The following PATJ variants were observed in gnomAD, a reference collection of about 807,000 sequenced individuals.
PATJ encodes the protein inaD-like protein.
Under a neutral mutation model 224.9 loss-of-function variants are expected in PATJ, and 190 were observed. The observed-to-expected ratio is 0.84, with a 90% confidence interval of 0.75 to 0.95. PATJ has a LOEUF of 0.95. Among genes scored for constraint, PATJ ranks in the 40% least tolerant of loss-of-function variants. The pLI, the probability that PATJ is intolerant of heterozygous loss-of-function variation, is 0.00. For missense variants in PATJ, 2,121 were observed against 2,270.3 expected (o/e 0.93, Z 1.34); for synonymous variants, 769 against 820.3 (o/e 0.94, Z 1.07).
intron 17 of PATJ, among the ~76,000 whole-genome samples, chr1:61,836,636 C>T (rs1393648930): frequency 6.6e-6 from 1 of 152,180 alleles, no homozygotes. Context: ...ATTTAGATGA[C>T]AGGTAAACAC....
intron 22 of PATJ, among the ~76,000 whole-genome samples, chr1:61,889,610 A>G (rs1669315264): frequency 1.3e-5 from 2 of 152,238 alleles, no homozygotes; most frequent in Non-Finnish European, 2.9e-5. Flanking sequence ...ATAGATCAGT[A>G]CTGCAGCAGT....
At chr1:62,000,305 G>A (rs369738456) in intron 28 of PATJ, among the ~76,000 whole-genome samples, 4,601 of 148,054 alleles carry the variant, frequency 0.031, 195 homozygotes, top group African/African-American at 0.089. Context: ...CCATTAACTC[G>A]TCATTTACGT....
chr1:61,781,432 T>G (rs1314750637), intron 7 of PATJ, among the ~76,000 whole-genome samples: 1 of 137,678 alleles, frequency 7.3e-6, no homozygotes, highest in Non-Finnish European at 1.6e-5. Context: ...CCCCATTTGT[T>G]GCTTATTACC....
At chr1:61,813,129 T>G (rs1356415077) in intron 14 of PATJ, among the ~76,000 whole-genome samples, 1 of 151,658 alleles carries the variant, frequency 6.6e-6, no homozygotes, top group Admixed American at 6.6e-5. Flanking sequence ...CCTCCCACAT[T>G]CAAAGCCTAA....
chr1:62,148,211 C>T (rs1668264312), intron 41 of PATJ, 73 bp from the exon 42 acceptor site: 3 of 976,314 alleles, frequency 3.1e-6, no homozygotes, highest in Non-Finnish European at 4.9e-6. Context: ...AGAACTGACC[C>T]TTGGATACAG....
At chr1:62,062,643 G>A (rs968478570) in intron 31 of PATJ, among the ~76,000 whole-genome samples, 4 of 151,080 alleles carry the variant, frequency 2.6e-5, no homozygotes, top group African/African-American at 7.3e-5. Flanking sequence ...GACTATAGGC[G>A]CACCACCACA....
intron 31 of PATJ, among the ~76,000 whole-genome samples, chr1:62,058,874 G>C (rs936430695): frequency 4.6e-5 from 7 of 152,194 alleles, no homozygotes; most frequent in African/African-American, 7.2e-5. Context: ...TTAGGAGTCA[G>C]ATTCAGCCCA....
At chr1:62,084,485 C>G in intron 32 of PATJ, 30 bp from the exon 33 acceptor site, 8 of 1,589,948 alleles carry the variant, frequency 5.0e-6, no homozygotes, top group Non-Finnish European at 6.8e-6. Context: ...CTCTTACATG[C>G]CAGTCATGCT....
chr1:62,074,945 C>T (rs184096781), intron 31 of PATJ, among the ~76,000 whole-genome samples: 40 of 152,282 alleles, frequency 2.6e-4, no homozygotes, highest in Non-Finnish European at 2.8e-4. Flanking sequence ...GCCTGGATGA[C>T]AGACCAGGGC....
At chr1:61,995,208 T>G (rs1378748822) in intron 28 of PATJ, among the ~76,000 whole-genome samples, 1 of 152,240 alleles carries the variant, frequency 6.6e-6, no homozygotes, top group Non-Finnish European at 1.5e-5. Flanking sequence ...ATTGGGTTTC[T>G]GAGAGCAAAT....
chr1:61,787,345 A>G (rs1263968984), intron 7 of PATJ, among the ~76,000 whole-genome samples: 3 of 152,144 alleles, frequency 2.0e-5, no homozygotes, highest in East Asian at 3.9e-4. Flanking sequence ...GCATCTTTCT[A>G]TTCCTCAAAC....
intron 30 of PATJ, among the ~76,000 whole-genome samples, chr1:62,043,303 T>TG (rs2148541227): frequency 6.6e-6 from 1 of 152,348 alleles, no homozygotes; most frequent in South Asian, 2.1e-4. Context: ...ATAATACCAT[T>TG]GGCACAATTC....
At chr1:61,975,379 A>C (rs1644073389) in intron 27 of PATJ, among the ~76,000 whole-genome samples, 1 of 152,086 alleles carries the variant, frequency 6.6e-6, no homozygotes, top group Admixed American at 6.6e-5. Flanking sequence ...TACCTAATTC[A>C]ATCTTTACTT....
At chr1:61,901,626 C>T (rs901658364) in intron 24 of PATJ, among the ~76,000 whole-genome samples, 167 bp downstream of exon 24, 1 of 152,064 alleles carries the variant, frequency 6.6e-6, no homozygotes, top group Admixed American at 6.6e-5. Flanking sequence ...TTATGAGTTT[C>T]TCAAGTGAGT....
At chr1:61,905,604 T>A (rs916102986) in intron 24 of PATJ, among the ~76,000 whole-genome samples, 6 of 152,250 alleles carry the variant, frequency 3.9e-5, no homozygotes, top group African/African-American at 1.2e-4. Flanking sequence ...TTCTGTAGGA[T>A]AAACACCCAA....
chr1:62,153,349 T>C lies in PATJ; in HGVS notation c.5379-9T>C. 8.1e-7 allele frequency: 1 copy of C among 1,230,874 alleles called. No individual in the cohort carries two copies. Among genetic ancestry groups the C allele is most frequent in the Non-Finnish European group, 1.0e-6 (1 of 986,828 alleles). 76.2% of individuals were successfully genotyped at this position (1,230,874 alleles called of 1,614,324 possible). A position where few individuals can be genotyped will look rare whatever the true frequency, so the allele number is the denominator to read the frequency against. On this transcript the variant is annotated splice_polypyrimidine_tract_variant and intron_variant, in intron 42 of 43. Transcript: ENST00000642238. ...TTCTCGAATTAAACAGCATGCATTG[T>C]GTTTTCAGAACACCTCCACCTAAGA...
intron 38 of PATJ, among the ~76,000 whole-genome samples, chr1:62,122,259 G>A (rs1178357142): frequency 6.6e-6 from 1 of 151,412 alleles, no homozygotes; most frequent in Non-Finnish European, 1.5e-5. Context: ...CAGCTACTTG[G>A]GAGGCTGAGG....
rs917526745 is a variant in PATJ at position 61,884,408 on chromosome 1, G to C, written c.3131G>C (p.Cys1044Ser). The part of the protein sequence containing the change: ...MLSSRYATDT[C>S]ELPEREEGEG... ...TCTTCTAGATATGCCACTGATACAT[G>C]GTATGATATCATTTCTCTTTGTTTT... Residue 1044 changes from cysteine to serine, a missense_variant and splice_region_variant, in exon 22 of 44, where the codon TGT (cysteine) becomes TCT (serine). Transcript: ENST00000642238. 1.3e-6 allele frequency: 2 copies of C among 1,513,848 alleles called. No individual in the cohort carries two copies. Among genetic ancestry groups the C allele is most frequent in the Admixed American group, 3.9e-5 (2 of 50,864 alleles). The allele number at this position is 1,513,848 out of a possible 1,614,324, so 93.8% of individuals were successfully genotyped here. A position where few individuals can be genotyped will look rare whatever the true frequency, so the allele number is the denominator to read the frequency against.
intron 39 of PATJ, among the ~76,000 whole-genome samples, chr1:62,124,232 A>G (rs965615635): frequency 6.6e-6 from 1 of 151,856 alleles, no homozygotes; most frequent in Admixed American, 6.6e-5. Flanking sequence ...ACAGGCACAC[A>G]CCACCACGCC....
Sources: gnomAD v4.1 joint callset for allele counts (sites outside exome capture counted in the v4.1 genomes callset) on GRCh38, gnomAD v4.1.1 for gene constraint, MANE v1.5 for transcripts, NCBI Gene and HGNC (gene_info 2026-07-23, HGNC 2026-07-21) for gene names.